SLC5A1: variants seen among roughly 807,000 people sequenced by gnomAD.
The protein encoded by SLC5A1 is sodium/glucose cotransporter 1.
In SLC5A1, 42 loss-of-function variants were observed where a neutral mutation model predicts 73.5. The ratio of observed to expected loss-of-function variants is 0.57; its 90% CI spans 0.45 to 0.74. The LOEUF is 0.74. SLC5A1 is among the 30% of genes least tolerant of loss of function. The pLI is 0.00. For missense variants in SLC5A1, 634 were observed against 855.4 expected (o/e 0.74, Z 3.23); for synonymous variants, 300 against 317.4 (o/e 0.95, Z 0.58).
chr22:32,065,004 C>T (rs1225237773), intron 2 of SLC5A1, among the ~76,000 whole-genome samples: 1 of 152,126 alleles, frequency 6.6e-6, no homozygotes, highest in Non-Finnish European at 1.5e-5. Context: ...AGTGCAGTGG[C>T]ACGATCATAG....
chr22:32,068,288 A>G (rs113219664), intron 4 of SLC5A1, among the ~76,000 whole-genome samples: 9 of 152,282 alleles, frequency 5.9e-5, no homozygotes, highest in African/African-American at 2.2e-4. Flanking sequence ...AGCTACTCCT[A>G]CAGTGGTAGG....
intron 2 of SLC5A1, among the ~76,000 whole-genome samples, chr22:32,065,812 T>C (rs1261983127): frequency 6.6e-6 from 1 of 152,240 alleles, no homozygotes; most frequent in Non-Finnish European, 1.5e-5. Context: ...TGCCTTATAC[T>C]GGGAATAGGG....
intron 2 of SLC5A1, among the ~76,000 whole-genome samples, chr22:32,060,197 A>T (rs987869268): frequency 6.9e-4 from 88 of 126,804 alleles, no homozygotes; most frequent in African/African-American, 2.3e-3. Flanking sequence ...ATATATATAT[A>T]TATTTTTTTA....
At chr22:32,086,375 A>G in intron 10 of SLC5A1, 48 bp downstream of exon 10, 2 of 1,320,564 alleles carry the variant, frequency 1.5e-6, no homozygotes, top group Non-Finnish European at 2.2e-6. Flanking sequence ...TGGGAGGCTG[A>G]TTGGGTTTAG....
intron 2 of SLC5A1, among the ~76,000 whole-genome samples, chr22:32,062,894 C>G (rs1184473700): frequency 2.6e-5 from 4 of 152,202 alleles, no homozygotes; most frequent in African/African-American, 9.7e-5. Flanking sequence ...ATACCACAGA[C>G]TAGGTGGCTT....
chr22:32,065,613 C>G (rs916249733), intron 2 of SLC5A1, among the ~76,000 whole-genome samples: 32 of 152,178 alleles, frequency 2.1e-4, no homozygotes, highest in Admixed American at 8.5e-4. Flanking sequence ...GGGATTTTGT[C>G]TGTGTTATTC....
chr22:32,081,091 C>T (rs531946330), intron 5 of SLC5A1, among the ~76,000 whole-genome samples: 2 of 152,184 alleles, frequency 1.3e-5, no homozygotes, highest in South Asian at 4.2e-4. Flanking sequence ...TTGGGGTGAC[C>T]CTGGTGCTCT....
chr22:32,088,241 A>G lies in SLC5A1; in HGVS notation c.1129+1914A>G, dbSNP rs2094011318. On this transcript the variant is annotated intron_variant, in intron 10 of 14. Transcript: ENST00000266088. The stretch of plus-strand genomic sequence containing the variant: ...CGGGAGTGGACTGTGCACAACAGAA[A>G]GATGTGTGGCATGCAGAATAAAATG... Among the ~76,000 whole-genome samples the G allele has an allele frequency of 2.0e-5, 3 of 152,094 alleles. No individual in the cohort carries two copies. In the South Asian group the frequency reaches 6.2e-4, roughly 32 times the overall value.
chr22:32,052,777 A>C (rs2093946740), intron 2 of SLC5A1, among the ~76,000 whole-genome samples: 1 of 151,938 alleles, frequency 6.6e-6, no homozygotes, highest in South Asian at 2.1e-4. Context: ...GGCACTTGAC[A>C]AATATGGGCT....
intron 5 of SLC5A1, among the ~76,000 whole-genome samples, chr22:32,075,722 G>A (rs1342501555): frequency 2.0e-5 from 3 of 152,098 alleles, no homozygotes; most frequent in African/African-American, 7.2e-5. Context: ...GCTGCACACT[G>A]GGTATATGAA....
intron 3 of SLC5A1, 144 bp downstream of exon 3, chr22:32,067,183 C>T: frequency 1.5e-6 from 1 of 660,696 alleles, no homozygotes. Flanking sequence ...GGCATGACTT[C>T]AGGAGCCTCA....
chr22:32,060,076 T>TAC (rs1569302151), intron 2 of SLC5A1, among the ~76,000 whole-genome samples: 1 of 144,120 alleles, frequency 6.9e-6, no homozygotes, highest in Non-Finnish European at 1.5e-5. Flanking sequence ...CATATATATA[T>TAC]ACACACATGT....
chr22:32,104,728 T>A, intron 13 of SLC5A1, 58 bp from the exon 14 acceptor site: 3 of 1,409,690 alleles, frequency 2.1e-6, no homozygotes, highest in Non-Finnish European at 3.0e-6. Flanking sequence ...CCCCCCCAAC[T>A]TCTTGTCCCA....
At chr22:32,059,661 G>A (rs1404971147) in intron 2 of SLC5A1, among the ~76,000 whole-genome samples, 2 of 151,946 alleles carry the variant, frequency 1.3e-5, no homozygotes, top group African/African-American at 2.4e-5. Flanking sequence ...TGAATTTCAC[G>A]CCACAGCTGA....
At chr22:32,090,100 CAA>C (rs11365344) in intron 10 of SLC5A1, among the ~76,000 whole-genome samples, 6,730 of 105,498 alleles carry the variant, frequency 0.064, 174 homozygotes, top group Non-Finnish European at 0.094. Context: ...CCTTGTCTTT[CAA>C]AAAAAAAAAA....
chr22:32,071,861 T>G (rs2093983377), intron 5 of SLC5A1, among the ~76,000 whole-genome samples: 2 of 152,168 alleles, frequency 1.3e-5, no homozygotes, highest in Admixed American at 1.3e-4. Flanking sequence ...TTACTTAAAG[T>G]TGAGACAACA....
chr22:32,083,616 C>A (rs1014240374), intron 7 of SLC5A1, among the ~76,000 whole-genome samples: 1 of 151,016 alleles, frequency 6.6e-6, no homozygotes, highest in African/African-American at 2.4e-5. Flanking sequence ...TTTAATGCCC[C>A]TATTTGGCAA....
At chr22:32,109,201 C>T (rs1039760489) in intron 14 of SLC5A1, among the ~76,000 whole-genome samples, 4 of 152,006 alleles carry the variant, frequency 2.6e-5, no homozygotes, top group Admixed American at 2.6e-4. Flanking sequence ...AATTCAGTGA[C>T]TTGTAAAAAT....
chr22:32,092,429 T>C lies in SLC5A1; in HGVS notation c.1280+667T>C, dbSNP rs138824780. Among the ~76,000 whole-genome samples the C allele has an allele frequency of 5.6e-3, 854 of 152,338 alleles. 7 individuals are homozygous for C. Among genetic ancestry groups the C allele is most frequent in the Non-Finnish European group, 6.6e-3 (447 of 68,030 alleles). On this transcript the variant is annotated intron_variant, in intron 11 of 14. Coordinates refer to ENST00000266088, the MANE Select transcript of SLC5A1 (RefSeq NM_000343.4). The stretch of plus-strand genomic sequence containing the variant: ...TAAACCTGCGTGTGCAAACATCTTT[T>C]TTGTATAACGACTTCTTTTCCTCTG...
Sources: allele counts gnomAD v4.1 joint callset (sites outside exome capture counted in the v4.1 genomes callset), GRCh38; gene constraint gnomAD v4.1.1; transcripts MANE v1.5; gene names NCBI Gene and HGNC (gene_info 2026-07-23, HGNC 2026-07-21).